FAT3: variants seen among roughly 807,000 people sequenced by gnomAD.
The protein encoded by FAT3 is FAT atypical cadherin 3, also known as protocadherin Fat 3.
Under a neutral mutation model 310.2 loss-of-function variants are expected in FAT3, and 95 were observed. The ratio of observed to expected loss-of-function variants is 0.31; its 90% CI spans 0.26 to 0.36. FAT3 has a LOEUF of 0.36. Ranked by LOEUF, FAT3 falls within the 10% of genes least tolerant of loss-of-function variation. FAT3 has a pLI of 1.00. For missense variants in FAT3, 5,408 were observed against 5,715.6 expected, an observed-to-expected ratio of 0.95 and a Z score of 1.74; for synonymous variants, 2,314 against 2,192.9, an observed-to-expected ratio of 1.06 and a Z score of -1.54.
chr11:92,348,517 A>T (rs1948474490), intron 1 of FAT3, among the ~76,000 whole-genome samples: 1 of 152,242 alleles, frequency 6.6e-6, no homozygotes. Context: ...ATGTTTATTT[A>T]TAAACAGTTA....
chr11:92,682,934 C>T (rs1233559819), intron 3 of FAT3, among the ~76,000 whole-genome samples: 3 of 152,048 alleles, frequency 2.0e-5, no homozygotes, highest in African/African-American at 7.2e-5. Context: ...AAAAATTAGC[C>T]AGGCATGGTG....
At chr11:92,418,460 T>G (rs948133715) in intron 2 of FAT3, among the ~76,000 whole-genome samples, 1 of 103,914 alleles carries the variant, frequency 9.6e-6, no homozygotes, top group Admixed American at 1.6e-4. Flanking sequence ...AAAACAAAGA[T>G]TTCATCATAA....
chr11:92,508,346 T>A (rs1163828334), intron 2 of FAT3, among the ~76,000 whole-genome samples: 2 of 152,156 alleles, frequency 1.3e-5, no homozygotes, highest in Admixed American at 6.6e-5. Context: ...CTATATGCTT[T>A]CATTATTTTA....
intron 2 of FAT3, among the ~76,000 whole-genome samples, chr11:92,486,307 A>T (rs1451632530): frequency 1.3e-5 from 2 of 151,414 alleles, no homozygotes; most frequent in African/African-American, 4.9e-5. Flanking sequence ...CTGTTTTTTT[A>T]CTAAATTATA....
chr11:92,765,278 C>G, intron 6 of FAT3, among the ~76,000 whole-genome samples, 189 bp downstream of exon 6: 1 of 152,220 alleles, frequency 6.6e-6, no homozygotes, highest in East Asian at 1.9e-4. Context: ...AACTCTGTAG[C>G]TAAGCTGAAC....
rs1333752601 is a variant in FAT3 at position 92,412,738 on chromosome 11, T to TACAC, written c.3292+57335_3292+57336insCACA. Among the ~76,000 whole-genome samples the TACAC allele has an allele frequency of 1.1e-4, 7 of 63,704 alleles. No homozygotes were observed. The South Asian group carries it at 1.3e-3, about 12-fold the overall frequency. 41.8% of individuals were successfully genotyped at this position (63,704 alleles called of 152,430 possible). On this transcript the variant is annotated intron_variant, in intron 2 of 27. Coordinates refer to ENST00000525166, the MANE Select transcript of FAT3 (RefSeq NM_001367949.2). ...ATATATATATATATATATATATATA[T>TACAC]ATATATAAATATACATACATATATA...
chr11:92,364,546 A>T (rs1459189878), intron 2 of FAT3, among the ~76,000 whole-genome samples: 1 of 152,228 alleles, frequency 6.6e-6, no homozygotes, highest in Non-Finnish European at 1.5e-5. Context: ...AGTTTGATAA[A>T]TATTTATGTG....
intron 2 of FAT3, among the ~76,000 whole-genome samples, chr11:92,468,874 T>C (rs1951839377): frequency 6.6e-6 from 1 of 152,186 alleles, no homozygotes; most frequent in Non-Finnish European, 1.5e-5. Context: ...GACACAGCCA[T>C]ATCATATCAG....
Position 92,800,253 on chromosome 11 carries a change from A to G in FAT3, c.7240A>G (p.Thr2414Ala). 6.2e-7 allele frequency: 1 copy of G among 1,613,932 alleles called. No individual in the cohort carries two copies. Among genetic ancestry groups the G allele is most frequent in the Non-Finnish European group, 8.5e-7 (1 of 1,179,858 alleles). Residue 2414 changes from threonine to alanine, a missense_variant, in exon 10 of 28, where the codon ACC becomes GCC. Thr to Ala is a moderately conservative substitution (Grantham distance 58). Around this residue, in one of 5 missense-constraint regions of FAT3, gnomAD observed 4,588 missense variants for 4,809.8 expected, o/e 0.95. Coordinates refer to ENST00000525166, the MANE Select transcript of FAT3 (RefSeq NM_001367949.2). The stretch of plus-strand genomic sequence containing the variant: ...ATTAGCCCCCCGGGGCCATTTTGTA[A>G]CCTGTGTACAAGCCTCTGATGCAGA... Reference protein sequence around the residue: ...SELAPRGHFVTCVQASDADSS... With the variant: ...SELAPRGHFVACVQASDADSS...
At chr11:92,754,876 A>G (rs556287618) in intron 4 of FAT3, among the ~76,000 whole-genome samples, 28 of 151,916 alleles carry the variant, frequency 1.8e-4, no homozygotes, top group Middle Eastern at 3.4e-3. Context: ...AAAAAATAAT[A>G]ATAATAATAA....
Position 92,635,234 on chromosome 11 carries a change from A to AT in FAT3, c.3608-62140dup, listed in dbSNP as rs201831384. ...AGCATACTATGATGCTTAGATTCAG[A>AT]TTTTTTTTTTCTTTTTATCACTCTG... On this transcript the variant is annotated intron_variant, in intron 3 of 27. Transcript: ENST00000525166. Among the ~76,000 whole-genome samples, 1,163 of 150,216 alleles carry AT rather than the reference A, an allele frequency of 7.7e-3. 13 individuals carry two copies. The highest frequency in any genetic ancestry group is 0.026 in the African/African-American group (1,069 of 40,960).
chr11:92,874,441 C>A (rs753979717), intron 22 of FAT3, among the ~76,000 whole-genome samples: 2 of 152,196 alleles, frequency 1.3e-5, no homozygotes, highest in Non-Finnish European at 2.9e-5. Context: ...CTTTCTTATC[C>A]CTAGAAACTA....
intron 7 of FAT3, among the ~76,000 whole-genome samples, chr11:92,787,747 A>T (rs560694102): frequency 6.6e-6 from 1 of 151,388 alleles, no homozygotes; most frequent in Admixed American, 6.6e-5. Flanking sequence ...ATTATTTTTA[A>T]TGATCATAGT....
intron 3 of FAT3, among the ~76,000 whole-genome samples, chr11:92,622,809 C>T (rs781022365): frequency 4.6e-5 from 7 of 152,190 alleles, no homozygotes; most frequent in Non-Finnish European, 1.0e-4. Flanking sequence ...GAATTTAAAT[C>T]TTCTGCCTGA....
intron 2 of FAT3, among the ~76,000 whole-genome samples, chr11:92,383,375 G>C (rs1426099392): frequency 6.6e-6 from 1 of 152,200 alleles, no homozygotes; most frequent in African/African-American, 2.4e-5. Context: ...TGCTGGGTCA[G>C]GCACCAGCAT....
chr11:92,707,464 C>G (rs1944389169), intron 4 of FAT3, among the ~76,000 whole-genome samples: 1 of 152,198 alleles, frequency 6.6e-6, no homozygotes, highest in African/African-American at 2.4e-5. Flanking sequence ...GCCTCAACCT[C>G]TGGCTGAGTT....
rs187081077 is a variant in FAT3, at chr11:92,368,745, T to C, written c.3292+13341T>C. Among the ~76,000 whole-genome samples the C allele has an allele frequency of 2.0e-3, 305 of 152,020 alleles. 1 individual carries two copies. The highest frequency in any genetic ancestry group is 6.7e-3 in the African/African-American group (279 of 41,378). On this transcript the variant is annotated intron_variant, in intron 2 of 27. Transcript: ENST00000525166. Reference sequence around the variant, plus strand: ...TTGTCTTAATTCCATGCTAAAATGCTGGGTGTCTCAGTGCAATGGATAGTG... The same window carrying C: ...TTGTCTTAATTCCATGCTAAAATGCCGGGTGTCTCAGTGCAATGGATAGTG...
At chr11:92,235,917 A>G (rs1335584707) in intron 1 of FAT3, among the ~76,000 whole-genome samples, 1 of 152,212 alleles carries the variant, frequency 6.6e-6, no homozygotes, top group African/African-American at 2.4e-5. Context: ...TAAGGGTGTT[A>G]TGTACCTAAT....
At chr11:92,487,601 A>G (rs1394306545) in intron 2 of FAT3, among the ~76,000 whole-genome samples, 2 of 152,222 alleles carry the variant, frequency 1.3e-5, no homozygotes, top group East Asian at 1.9e-4. Flanking sequence ...TGGGATTGCC[A>G]TAATATATTG....
Sources: gnomAD v4.1 joint callset for allele counts (sites outside exome capture counted in the v4.1 genomes callset) on GRCh38, gnomAD v4.1.1 for gene constraint, gnomAD v4.1.1 regional missense constraint, MANE v1.5 for transcripts, NCBI Gene and HGNC (gene_info 2026-07-23, HGNC 2026-07-21) for gene names.